Variants in C8orf34 observed in about 807,000 individuals in gnomAD.
C8orf34 encodes chromosome 8 open reading frame 34, also known as uncharacterized protein C8orf34.
In C8orf34, 65 loss-of-function variants were observed where a neutral mutation model predicts 68.3. The observed-to-expected ratio is 0.95, with a 90% CI of 0.78 to 1.17. The LOEUF (loss-of-function observed/expected upper bound fraction) is 1.17. Ranked by LOEUF, C8orf34 falls within the 50% of genes most tolerant of loss-of-function variation. C8orf34 has a pLI of 0.00. For synonymous variants in C8orf34, 244 were observed against 241.2 expected (o/e 1.01, Z -0.11); for missense variants, 664 against 655.4 (o/e 1.01, Z -0.14).
chr8:68,436,834 C>T (rs778543916), intron 1 of C8orf34, among the ~76,000 whole-genome samples: 3 of 152,130 alleles, frequency 2.0e-5, no homozygotes, highest in Non-Finnish European at 4.4e-5. Context: ...TCTACCTCTG[C>T]GGCTCTAATT....
At chr8:68,563,153 G>T (rs9694215) in intron 7 of C8orf34, among the ~76,000 whole-genome samples, 28,155 of 151,890 alleles carry the variant, frequency 0.19, 3,039 homozygotes, top group African/African-American at 0.31. Context: ...AATTAACAAA[G>T]TTTCAGAGAA....
chr8:68,457,850 T>G (rs971369692), intron 3 of C8orf34, among the ~76,000 whole-genome samples: 5 of 152,208 alleles, frequency 3.3e-5, no homozygotes, highest in African/African-American at 1.2e-4. Context: ...ATTTTTCATT[T>G]TCCCTGTGGA....
At chr8:68,564,416 T>A (rs542961953) in intron 7 of C8orf34, among the ~76,000 whole-genome samples, 1 of 152,306 alleles carries the variant, frequency 6.6e-6, no homozygotes, top group South Asian at 2.1e-4. Context: ...TGGCAAATAA[T>A]TTTGAGTTGT....
intron 1 of C8orf34, among the ~76,000 whole-genome samples, chr8:68,403,949 G>A (rs1431953836): frequency 6.6e-6 from 1 of 152,160 alleles, no homozygotes; most frequent in African/African-American, 2.4e-5. Context: ...GATCCTTGAG[G>A]AATGGCTACA....
chr8:68,687,989 C>T (rs1347644374), intron 8 of C8orf34, among the ~76,000 whole-genome samples: 1 of 151,976 alleles, frequency 6.6e-6, no homozygotes, highest in Admixed American at 6.6e-5. Context: ...AGACATTTCT[C>T]AAAAGAAGAT....
intron 11 of C8orf34, among the ~76,000 whole-genome samples, chr8:68,778,894 AG>A (rs571271880): frequency 2.6e-5 from 4 of 152,230 alleles, no homozygotes; most frequent in African/African-American, 9.6e-5. Flanking sequence ...TCACATTACC[AG>A]GCTCAAGCTT....
chr8:68,689,953 A>G (rs573873311), intron 8 of C8orf34, among the ~76,000 whole-genome samples: 3 of 152,134 alleles, frequency 2.0e-5, no homozygotes, highest in East Asian at 1.9e-4. Context: ...CAAAGCCCCA[A>G]TTGCTACTGT....
chr8:68,424,128 T>G (rs1487615150), intron 1 of C8orf34, among the ~76,000 whole-genome samples: 1 of 152,054 alleles, frequency 6.6e-6, no homozygotes, highest in Non-Finnish European at 1.5e-5. Context: ...CCCCTGCCCA[T>G]GTTCACCCAC....
rs189027294 is a variant in C8orf34, at chr8:68,429,274, T to G, written c.328-10225T>G. On this transcript the variant is annotated intron_variant, in intron 1 of 13. Transcript: ENST00000518698. Reference sequence around the variant, plus strand: ...ACAGGTGCTTTCAAAAAAGAGGGTATCTGAAGGACCATTGAATATATGAAA... The same window carrying G: ...ACAGGTGCTTTCAAAAAAGAGGGTAGCTGAAGGACCATTGAATATATGAAA... 4.6e-5 allele frequency among the ~76,000 whole-genome samples: 7 copies of G among 152,254 alleles called. No homozygotes were observed. In the East Asian group the frequency reaches 1.4e-3, roughly 29 times the overall value.
chr8:68,487,650 A>G (rs1342458671), intron 4 of C8orf34, among the ~76,000 whole-genome samples: 2 of 152,192 alleles, frequency 1.3e-5, no homozygotes, highest in African/African-American at 4.8e-5. Flanking sequence ...TGGGAATCTA[A>G]ATTCTTAACA....
At chr8:68,744,087 A>T (rs1055373904) in intron 10 of C8orf34, among the ~76,000 whole-genome samples, 2 of 152,188 alleles carry the variant, frequency 1.3e-5, no homozygotes, top group African/African-American at 2.4e-5. Context: ...CTGACCCCCA[A>T]GCAGCCTAAC....
intron 8 of C8orf34, among the ~76,000 whole-genome samples, chr8:68,677,490 C>G (rs776665783): frequency 3.9e-5 from 6 of 152,064 alleles, no homozygotes; most frequent in Admixed American, 2.0e-4. Flanking sequence ...TTCCAAGTAA[C>G]TGAGACTACA....
At chr8:68,708,499 C>T (rs1001928871) in intron 8 of C8orf34, among the ~76,000 whole-genome samples, 1 of 152,202 alleles carries the variant, frequency 6.6e-6, no homozygotes, top group Non-Finnish European at 1.5e-5. Flanking sequence ...GGCAGTCACA[C>T]ATTAGGAAAC....
chr8:68,374,637 G>A (rs999573817), intron 1 of C8orf34, among the ~76,000 whole-genome samples: 1 of 152,116 alleles, frequency 6.6e-6, no homozygotes, highest in Non-Finnish European at 1.5e-5. Flanking sequence ...GTGCTACAGA[G>A]TCTCTAAGTA....
chr8:68,446,279 C>T (rs1393996422), intron 2 of C8orf34, 50 bp from the exon 3 acceptor site: 1 of 1,493,458 alleles, frequency 6.7e-7, no homozygotes, highest in Non-Finnish European at 9.0e-7. Context: ...GGTTTTTGCT[C>T]AATCTTGAAA....
At chr8:68,749,869 C>A (rs1822650359) in intron 10 of C8orf34, among the ~76,000 whole-genome samples, 1 of 152,102 alleles carries the variant, frequency 6.6e-6, no homozygotes, top group Non-Finnish European at 1.5e-5. Context: ...TACGTCTGTT[C>A]ATGAGTTGGT....
At chr8:68,696,119 T>C (rs1226317919) in intron 8 of C8orf34, among the ~76,000 whole-genome samples, 1 of 151,638 alleles carries the variant, frequency 6.6e-6, no homozygotes, top group Non-Finnish European at 1.5e-5. Context: ...TGAGCGGTGA[T>C]TGCGCAACTA....
intron 7 of C8orf34, among the ~76,000 whole-genome samples, chr8:68,561,566 G>A (rs939379184): frequency 1.3e-5 from 2 of 152,118 alleles, no homozygotes; most frequent in Non-Finnish European, 2.9e-5. Flanking sequence ...AGATCAGCCT[G>A]GCCAACATGG....
intron 7 of C8orf34, chr8:68,535,508 T>A: frequency 1.0e-6 from 1 of 952,820 alleles, no homozygotes; most frequent in Non-Finnish European, 1.2e-6. Flanking sequence ...ATTGGTTGAT[T>A]TGAAGGGAAA....
Sources: allele counts gnomAD v4.1 joint callset (sites outside exome capture counted in the v4.1 genomes callset), GRCh38; gene constraint gnomAD v4.1.1; transcripts MANE v1.5; gene names NCBI Gene and HGNC (gene_info 2026-07-23, HGNC 2026-07-21).